Variants in GRM1 observed in about 807,000 individuals in gnomAD.
GRM1 encodes the protein glutamate metabotropic receptor 1.
GRM1 carries 33 observed loss-of-function variants against 90.9 expected under a neutral mutation model. The observed-to-expected ratio is 0.36, with a 90% CI of 0.28 to 0.49. GRM1 has a LOEUF of 0.49. Among genes scored for constraint, GRM1 ranks in the 20% least tolerant of loss-of-function variants. The pLI, the probability that GRM1 is intolerant of heterozygous loss-of-function variation, is 0.99. For synonymous variants in GRM1, 700 were observed against 613.2 expected (o/e 1.14, Z -2.09); for missense variants, 1,190 against 1,534.3 (o/e 0.78, Z 3.75).
rs528594515 is a variant in GRM1, at chr6:146,094,885, T to C, written c.701-64463T>C. On this transcript the variant is annotated intron_variant, in intron 1 of 7. Coordinates refer to ENST00000282753, the MANE Select transcript of GRM1 (RefSeq NM_001278064.2). ...TTTTTAAAAAGGCTGAAGTCATATA[T>C]GAGCTGCCACAAGACAATTCCTCCA... 3.3e-5 allele frequency among the ~76,000 whole-genome samples: 5 copies of C among 152,172 alleles called. No homozygotes were observed. The South Asian group carries it at 1.0e-3, about 32-fold the overall frequency.
At chr6:146,410,968 G>A (rs1777544959) in intron 7 of GRM1, among the ~76,000 whole-genome samples, 1 of 152,142 alleles carries the variant, frequency 6.6e-6, no homozygotes. Flanking sequence ...TACCTCTTAA[G>A]ATCCAGAAGA....
chr6:146,074,746 T>C (rs1052300072), intron 1 of GRM1, among the ~76,000 whole-genome samples: 6 of 152,202 alleles, frequency 3.9e-5, no homozygotes, highest in Non-Finnish European at 5.9e-5. Flanking sequence ...GTAACAACAA[T>C]TTTTATTGAA....
chr6:146,428,004 C>T (rs1778275890), intron 7 of GRM1, among the ~76,000 whole-genome samples: 1 of 152,092 alleles, frequency 6.6e-6, no homozygotes, highest in African/African-American at 2.4e-5. Flanking sequence ...TGCCTAAAAG[C>T]AAAAGTAAAA....
chr6:146,275,081 A>G (rs1027502355), intron 2 of GRM1, among the ~76,000 whole-genome samples: 4 of 152,206 alleles, frequency 2.6e-5, no homozygotes, highest in African/African-American at 9.6e-5. Context: ...CACTTGGCCA[A>G]AAAATGTCTG....
chr6:146,179,758 G>A (rs993079539), intron 2 of GRM1, among the ~76,000 whole-genome samples: 2 of 152,026 alleles, frequency 1.3e-5, no homozygotes, highest in Non-Finnish European at 2.9e-5. Context: ...CTTGTGATCC[G>A]CCCACCTCGG....
chr6:146,315,200 G>C (rs974406914), intron 3 of GRM1, among the ~76,000 whole-genome samples: 5 of 151,932 alleles, frequency 3.3e-5, no homozygotes, highest in Non-Finnish European at 7.4e-5. Flanking sequence ...AAGTTAGCTG[G>C]GCACTTTTAG....
chr6:146,266,564 A>G (rs1001125538), intron 2 of GRM1, among the ~76,000 whole-genome samples: 1 of 152,182 alleles, frequency 6.6e-6, no homozygotes, highest in Non-Finnish European at 1.5e-5. Context: ...TTCTACAGGA[A>G]ACTCCTCTTT....
chr6:146,120,371 T>A (rs1775932814), intron 1 of GRM1, among the ~76,000 whole-genome samples: 1 of 152,212 alleles, frequency 6.6e-6, no homozygotes, highest in Admixed American at 6.5e-5. Flanking sequence ...TATACAATCA[T>A]GTCATCTGCA....
At chr6:146,203,191 C>G (rs1779377770) in intron 2 of GRM1, among the ~76,000 whole-genome samples, 1 of 133,152 alleles carries the variant, frequency 7.5e-6, no homozygotes, top group South Asian at 2.4e-4. Context: ...GACTCCGTCT[C>G]AAAATAAATA....
intron 1 of GRM1, among the ~76,000 whole-genome samples, chr6:146,062,152 A>G (rs186042696): frequency 5.1e-4 from 77 of 152,316 alleles, no homozygotes; most frequent in African/African-American, 1.7e-3. Context: ...ACCAGGGAAT[A>G]CTATGCAGCC....
intron 2 of GRM1, among the ~76,000 whole-genome samples, chr6:146,203,187 G>T (rs554418615): frequency 7.0e-6 from 1 of 143,672 alleles, no homozygotes; most frequent in East Asian, 2.1e-4. Context: ...GAGAGACTCC[G>T]TCTCAAAATA....
At chr6:146,231,326 A>G (rs1426440004) in intron 2 of GRM1, among the ~76,000 whole-genome samples, 1 of 152,222 alleles carries the variant, frequency 6.6e-6, no homozygotes, top group East Asian at 1.9e-4. Context: ...TGCTCTTAAA[A>G]TAGTCTTTAA....
At chr6:146,146,907 T>C (rs1583069870) in intron 1 of GRM1, among the ~76,000 whole-genome samples, 2 of 152,184 alleles carry the variant, frequency 1.3e-5, no homozygotes, top group East Asian at 3.9e-4. Context: ...AACAGAGTAA[T>C]ACAGTCTTCA....
intron 1 of GRM1, among the ~76,000 whole-genome samples, chr6:146,078,040 C>A (rs1330536287): frequency 6.6e-6 from 1 of 152,144 alleles, no homozygotes; most frequent in African/African-American, 2.4e-5. Flanking sequence ...TTTGACAAAG[C>A]AGATGTTAGC....
intron 2 of GRM1, among the ~76,000 whole-genome samples, chr6:146,270,912 T>TCTTTCTTCCTTC (rs1782121052): frequency 6.4e-4 from 56 of 86,832 alleles, no homozygotes; most frequent in African/African-American, 1.0e-3. Flanking sequence ...TTTCTTTCTT[T>TCTTTCTTCCTTC]CTTCCTTCCT....
At chr6:146,076,692 G>T (rs1038643507) in intron 1 of GRM1, among the ~76,000 whole-genome samples, 1 of 152,192 alleles carries the variant, frequency 6.6e-6, no homozygotes, top group East Asian at 1.9e-4. Flanking sequence ...GATGATTGGA[G>T]TGGAGAGGTT....
At chr6:146,322,515 C>A (rs544485568) in intron 3 of GRM1, among the ~76,000 whole-genome samples, 1 of 152,334 alleles carries the variant, frequency 6.6e-6, no homozygotes, top group Admixed American at 6.5e-5. Context: ...CCCTGAGGTG[C>A]TCTGTCCCAG....
intron 1 of GRM1, among the ~76,000 whole-genome samples, chr6:146,059,099 T>C (rs1775578916): frequency 6.6e-6 from 1 of 152,168 alleles, no homozygotes; most frequent in Admixed American, 6.6e-5. Flanking sequence ...TAATGGCATC[T>C]GGAATGGTGA....
At chr6:146,311,885 T>G in intron 3 of GRM1, among the ~76,000 whole-genome samples, 1 of 152,186 alleles carries the variant, frequency 6.6e-6, no homozygotes. Context: ...TTCTGGAACC[T>G]TATTTATTAG....
Sources: gnomAD v4.1 joint callset for allele counts (sites outside exome capture counted in the v4.1 genomes callset) on GRCh38, gnomAD v4.1.1 for gene constraint, MANE v1.5 for transcripts, NCBI Gene and HGNC (gene_info 2026-07-23, HGNC 2026-07-21) for gene names.